Variants in GRHL2 observed in about 807,000 individuals in gnomAD.
The protein encoded by GRHL2 is grainyhead like transcription factor 2.
Under a neutral mutation model 83.8 loss-of-function variants are expected in GRHL2, and 21 were observed. That is an observed-to-expected ratio of 0.25 (90% CI 0.18 to 0.36). The LOEUF is 0.36. Among genes scored for constraint, GRHL2 ranks in the 10% least tolerant of loss-of-function variants. The probability of loss-of-function intolerance (pLI) is 1.00; values close to 1 mark genes in which losing one functional copy is unlikely to be tolerated. For missense variants in GRHL2, 623 were observed against 781.8 expected (o/e 0.80, Z 2.42); for synonymous variants, 280 against 278.9 (o/e 1.00, Z -0.04).
chr8:101,555,214 G>T (rs1382952553), intron 3 of GRHL2, among the ~76,000 whole-genome samples: 1 of 152,182 alleles, frequency 6.6e-6, no homozygotes, highest in African/African-American at 2.4e-5. Context: ...CAAAGCCTGG[G>T]GTGGAAACTG....
Position 101,669,317 on chromosome 8 carries a change from A to ATTGT in GRHL2, c.*2617_*2620dup, listed in dbSNP as rs1814157723. The ATTGT allele has an allele frequency of 7.0e-6, 1 of 141,902 alleles. No homozygotes were observed. 8.8% of individuals were successfully genotyped at this position (141,902 alleles called of 1,614,324 possible). On this transcript the variant is annotated 3_prime_UTR_variant, in exon 16 of 16. Transcript: ENST00000646743. ...AGACTTTTTCCTCATACATCTCCAA[A>ATTGT]TTGTTTAAACTTACTTTATGAGTGT... is the stretch of plus-strand genomic sequence containing the variant.
At chr8:101,673,498 C>A (rs1226025878), downstream of GRHL2, among the ~76,000 whole-genome samples, 1 of 143,802 alleles carries the variant, frequency 7.0e-6, no homozygotes, top group Admixed American at 7.0e-5. Context: ...ACAAGAAGAG[C>A]TAACTATCCT....
At chr8:101,519,076 G>A (rs563653410) in intron 1 of GRHL2, among the ~76,000 whole-genome samples, 4 of 152,070 alleles carry the variant, frequency 2.6e-5, no homozygotes, top group Non-Finnish European at 5.9e-5. Flanking sequence ...GGTTTTATGG[G>A]AGAGTGGGTT....
intron 1 of GRHL2, among the ~76,000 whole-genome samples, chr8:101,541,043 G>T (rs1168467075): frequency 6.6e-6 from 1 of 151,906 alleles, no homozygotes; most frequent in Non-Finnish European, 1.5e-5. Context: ...TTTTGTTGTT[G>T]TTGTTCCTGA....
intron 8 of GRHL2, among the ~76,000 whole-genome samples, chr8:101,604,323 C>G: frequency 6.6e-6 from 1 of 152,152 alleles, no homozygotes. Context: ...GCACCGAGCA[C>G]TGCCTTTCTC....
intron 1 of GRHL2, among the ~76,000 whole-genome samples, chr8:101,500,153 C>T (rs1454445844): frequency 6.6e-6 from 1 of 151,992 alleles, no homozygotes; most frequent in Non-Finnish European, 1.5e-5. Flanking sequence ...CTAGGCCTAA[C>T]CTGATAAAGG....
chr8:101,661,154 T>C (rs528839518), intron 14 of GRHL2, among the ~76,000 whole-genome samples: 1 of 151,854 alleles, frequency 6.6e-6, no homozygotes, highest in Admixed American at 6.5e-5. Flanking sequence ...TTTTAAAAAG[T>C]CCATCAGCTA....
intron 14 of GRHL2, among the ~76,000 whole-genome samples, chr8:101,660,013 C>T (rs115926345): frequency 0.014 from 2,171 of 152,166 alleles, 53 homozygotes; most frequent in African/African-American, 0.05. Context: ...TTTTACCTAA[C>T]CATCTACTAG....
At chr8:101,598,240 G>T (rs868399861) in intron 7 of GRHL2, among the ~76,000 whole-genome samples, 33 of 85,900 alleles carry the variant, frequency 3.8e-4, no homozygotes, top group African/African-American at 1.5e-3. Flanking sequence ...AGTCCAAAAA[G>T]ATTTTTTTTT....
chr8:101,561,852 C>T (rs1001191761), intron 4 of GRHL2, among the ~76,000 whole-genome samples: 4 of 152,188 alleles, frequency 2.6e-5, no homozygotes, highest in African/African-American at 9.7e-5. Context: ...TCTGTAATAT[C>T]TGATGTTTTG....
At chr8:101,548,251 TC>T (rs1327079019) in intron 2 of GRHL2, among the ~76,000 whole-genome samples, 1 of 152,162 alleles carries the variant, frequency 6.6e-6, no homozygotes, top group Non-Finnish European at 1.5e-5. Flanking sequence ...ATATTGGATA[TC>T]TAAAGGCAGA....
intron 2 of GRHL2, among the ~76,000 whole-genome samples, chr8:101,549,550 T>C (rs1386071292): frequency 6.6e-6 from 1 of 152,164 alleles, no homozygotes; most frequent in Non-Finnish European, 1.5e-5. Context: ...GGGGACTTTG[T>C]GCCACCTGGT....
intron 1 of GRHL2, among the ~76,000 whole-genome samples, chr8:101,496,867 G>A (rs780481420): frequency 3.3e-5 from 5 of 152,050 alleles, no homozygotes; most frequent in African/African-American, 7.2e-5. Context: ...TGGTTAGCAT[G>A]GTCTAGGACC....
intron 1 of GRHL2, among the ~76,000 whole-genome samples, chr8:101,524,736 T>C (rs1810767077): frequency 6.6e-6 from 1 of 152,180 alleles, no homozygotes; most frequent in South Asian, 2.1e-4. Flanking sequence ...TCTTGCTTAA[T>C]GGCCTGATAT....
chr8:101,668,883 C>CTGTT lies in GRHL2; in HGVS notation c.*2187_*2190dup, dbSNP rs146105898. The CTGTT allele has an allele frequency of 6.6e-5, 10 of 152,378 alleles. No individual in the cohort carries two copies. The East Asian group carries it at 7.7e-4, about 12-fold the overall frequency. The allele number at this position is 152,378 out of a possible 1,614,324, so 9.4% of individuals were successfully genotyped here. On this transcript the variant is annotated 3_prime_UTR_variant, in exon 16 of 16. Coordinates refer to ENST00000646743, the MANE Select transcript of GRHL2 (RefSeq NM_024915.4). ...CTCTCTCTCCAGCCTCTTTATGAAA[C>CTGTT]TGTTTGTTTGCCAGTCCTGCCCTAA...
chr8:101,645,116 ATTTTTTTTTTTTTTTTTTTTTT>A (rs553249046), intron 13 of GRHL2, among the ~76,000 whole-genome samples: 11 of 117,348 alleles, frequency 9.4e-5, no homozygotes, highest in African/African-American at 9.9e-5. Context: ...GCAGTACAGA[ATTTTTTTTTTTTTTTTTTTTTT>A]TTTTTTTTTT....
At chr8:101,521,814 T>A (rs1011570795) in intron 1 of GRHL2, among the ~76,000 whole-genome samples, 2 of 152,216 alleles carry the variant, frequency 1.3e-5, no homozygotes, top group Non-Finnish European at 2.9e-5. Flanking sequence ...TTTTGTTAGC[T>A]TTTAGAGAAC....
intron 1 of GRHL2, among the ~76,000 whole-genome samples, chr8:101,493,841 CCCGGT>C (rs1810031004): frequency 6.6e-6 from 1 of 151,942 alleles, no homozygotes; most frequent in Admixed American, 6.5e-5. Flanking sequence ...GGTCACTGGG[CCCGGT>C]CCGGCCGCGT....
intron 7 of GRHL2, among the ~76,000 whole-genome samples, chr8:101,582,237 C>CGA (rs1812068972): frequency 7.4e-6 from 1 of 134,846 alleles, no homozygotes; most frequent in East Asian, 2.1e-4. Context: ...GACTCCGTCT[C>CGA]AAAAAAAAAA....
Sources: gnomAD v4.1 joint callset for allele counts (sites outside exome capture counted in the v4.1 genomes callset) on GRCh38, gnomAD v4.1.1 for gene constraint, MANE v1.5 for transcripts, NCBI Gene and HGNC (gene_info 2026-07-23, HGNC 2026-07-21) for gene names.